SAXO1: variants seen among roughly 807,000 people sequenced by gnomAD.
SAXO1 encodes 4930500O09Rik.
Under a neutral mutation model 17.5 loss-of-function variants are expected in SAXO1, and 21 were observed. That is an observed-to-expected ratio of 1.20 (90% CI 0.85 to 1.72). The LOEUF (loss-of-function observed/expected upper bound fraction) is 1.72. SAXO1 is among the 40% of genes most tolerant of loss of function. SAXO1 has a pLI of 0.00. For missense variants in SAXO1, 843 were observed against 596.0 expected, an observed-to-expected ratio of 1.41 and a Z score of -4.32; for synonymous variants, 274 against 216.5, an observed-to-expected ratio of 1.27 and a Z score of -2.33.
intron 1 of SAXO1, among the ~76,000 whole-genome samples, chr9:19,039,340 A>G (rs1195692730): frequency 6.6e-6 from 1 of 152,236 alleles, no homozygotes; most frequent in East Asian, 1.9e-4. Flanking sequence ...GGATGTGATT[A>G]TAACTCTAGG....
chr9:18,970,710 C>T (rs1427971912), intron 1 of SAXO1, among the ~76,000 whole-genome samples: 1 of 152,206 alleles, frequency 6.6e-6, no homozygotes, highest in African/African-American at 2.4e-5. Flanking sequence ...TGCATTTCAT[C>T]TCCTTCAAGA....
chr9:18,944,390 T>C (rs1055866469), intron 2 of SAXO1, among the ~76,000 whole-genome samples: 2 of 152,250 alleles, frequency 1.3e-5, no homozygotes, highest in African/African-American at 2.4e-5. Flanking sequence ...CATAACTGCA[T>C]GTCCCCAATC....
intron 1 of SAXO1, among the ~76,000 whole-genome samples, chr9:19,026,341 AATTG>A (rs1275202716): frequency 6.6e-6 from 1 of 152,214 alleles, no homozygotes; most frequent in East Asian, 1.9e-4. Flanking sequence ...AATAAAATTT[AATTG>A]ATTGACCTAA....
intron 3 of SAXO1, among the ~76,000 whole-genome samples, chr9:18,931,424 G>A (rs970993053): frequency 6.6e-6 from 1 of 152,094 alleles, no homozygotes; most frequent in Non-Finnish European, 1.5e-5. Flanking sequence ...TGGACATTTT[G>A]AGTTGTTTCT....
rs116967104 is a variant in SAXO1 at position 19,032,932 on chromosome 9, G to A, written c.-24C>T. The stretch of plus-strand genomic sequence containing the variant: ...ATAGGGGCGATCCTGAGGCCCTGAC[G>A]TCCCCTCAGAGCATCGCCAGCTGCA... On this transcript the variant is annotated 5_prime_UTR_variant, in exon 1 of 4. The change creates a new upstream start codon in the 5' untranslated region. Coordinates refer to ENST00000380534, the MANE Select transcript of SAXO1 (RefSeq NM_153707.4). 2,843 of 1,603,854 alleles carry A rather than the reference G, an allele frequency of 1.8e-3. 71 individuals are homozygous for A. In the East Asian group the frequency reaches 0.055, roughly 31 times the overall value.
chr9:19,031,865 G>A (rs141191785), intron 1 of SAXO1, among the ~76,000 whole-genome samples: 1 of 152,132 alleles, frequency 6.6e-6, no homozygotes, highest in South Asian at 2.1e-4. Flanking sequence ...GATATAGAAG[G>A]TTGCTGATCC....
At chr9:18,996,801 A>G (rs1044520830) in intron 1 of SAXO1, among the ~76,000 whole-genome samples, 4 of 152,196 alleles carry the variant, frequency 2.6e-5, no homozygotes, top group Admixed American at 6.5e-5. Context: ...CCCCACATAT[A>G]TAACTTCTAT....
chr9:18,997,619 C>T (rs1834061944), intron 1 of SAXO1, among the ~76,000 whole-genome samples: 1 of 152,240 alleles, frequency 6.6e-6, no homozygotes, highest in Admixed American at 6.5e-5. Context: ...GTGGTTCTCC[C>T]AGCATGGCAT....
At position 18,927,719 on chromosome 9, in the gene SAXO1, T is replaced by C. The variant is rs1337031177; in HGVS notation, c.*333A>G. 3 of 222,618 alleles carry C rather than the reference T, an allele frequency of 1.3e-5. No individual in the cohort carries two copies. Among genetic ancestry groups the C allele is most frequent in the East Asian group, 1.9e-4 (2 of 10,452 alleles). 13.8% of individuals were successfully genotyped at this position (222,618 alleles called of 1,614,324 possible). A position where few individuals can be genotyped will look rare whatever the true frequency, so the allele number is the denominator to read the frequency against. On this transcript the variant is annotated 3_prime_UTR_variant, in exon 4 of 4. Coordinates refer to ENST00000380534, the MANE Select transcript of SAXO1 (RefSeq NM_153707.4). ...CATACTTGGCAAGGGTTAATCATTA[T>C]GTCAGTTCATACAATGATTAAATTA...
intron 1 of SAXO1, chr9:19,027,243 C>A: frequency 1.8e-6 from 2 of 1,092,118 alleles, no homozygotes; most frequent in South Asian, 2.5e-5. Flanking sequence ...GACATACTTC[C>A]TACCTGTGAT....
chr9:19,023,163 C>A (rs1344819286), intron 1 of SAXO1, among the ~76,000 whole-genome samples: 1 of 138,868 alleles, frequency 7.2e-6, no homozygotes, highest in East Asian at 2.5e-4. Flanking sequence ...CCCCGCCCCA[C>A]CGGAGTTAAT....
rs181024296 is a variant in SAXO1 at position 18,993,302 on chromosome 9, G to C, written c.38+39569C>G. On this transcript the variant is annotated intron_variant, in intron 1 of 3. Transcript: ENST00000380534. ...CACCCCCAGATAGGCCCCGATGTGT[G>C]TTGTTACCCTCCCTGTGTCCATGTG... 5.8e-3 allele frequency among the ~76,000 whole-genome samples: 861 copies of C among 147,794 alleles called. 9 individuals carry two copies. Among genetic ancestry groups the C allele is most frequent in the Admixed American group, 0.012 (182 of 14,576 alleles).
intron 3 of SAXO1, among the ~76,000 whole-genome samples, chr9:18,933,976 G>T (rs1284493519): frequency 6.6e-6 from 1 of 152,162 alleles, no homozygotes; most frequent in African/African-American, 2.4e-5. Flanking sequence ...AACCCGGGAG[G>T]CGGAGCTTGC....
At chr9:19,028,022 C>T (rs1588559302) in intron 1 of SAXO1, 12 of 1,606,344 alleles carry the variant, frequency 7.5e-6, no homozygotes, top group Middle Eastern at 2.2e-4. Flanking sequence ...TCTGTGGAGG[C>T]GGGTATGATC....
intron 3 of SAXO1, among the ~76,000 whole-genome samples, chr9:18,938,021 A>G (rs1381406026): frequency 1.3e-5 from 2 of 152,206 alleles, no homozygotes; most frequent in South Asian, 2.1e-4. Context: ...TTGCAGAGGA[A>G]AACTATGAAC....
At chr9:18,988,635 G>A (rs1473900488) in intron 1 of SAXO1, among the ~76,000 whole-genome samples, 2 of 152,146 alleles carry the variant, frequency 1.3e-5, no homozygotes, top group African/African-American at 4.8e-5. Context: ...GGGCCCTTTG[G>A]ATAATCAATG....
At chr9:18,964,341 G>A (rs1422665499) in intron 1 of SAXO1, among the ~76,000 whole-genome samples, 4 of 152,164 alleles carry the variant, frequency 2.6e-5, no homozygotes, top group Non-Finnish European at 5.9e-5. Context: ...GTTTCAGAAG[G>A]AATGGTACCA....
At position 19,032,991 on chromosome 9, in the gene SAXO1, G is replaced by T. The variant is rs116731450; in HGVS notation, c.-83C>A. ...CTAGACCCCAACCACCTGTCTTGGG[G>T]CACGCCCAGGCTCGAGGGTCTTGGC... On this transcript the variant is annotated 5_prime_UTR_variant, in exon 1 of 4. Transcript: ENST00000380534. 1,172 of 1,427,302 alleles carry T rather than the reference G, an allele frequency of 8.2e-4. 12 individuals are homozygous for T. The African/African-American group carries it at 0.015, about 18-fold the overall frequency. 88.4% of individuals were successfully genotyped at this position (1,427,302 alleles called of 1,614,324 possible).
chr9:18,975,093 G>A (rs913745474), intron 1 of SAXO1, among the ~76,000 whole-genome samples: 5 of 152,166 alleles, frequency 3.3e-5, no homozygotes, highest in African/African-American at 7.2e-5. Context: ...ATCAGGTGTT[G>A]AAGGATGAGG....
Sources: allele counts gnomAD v4.1 joint callset (sites outside exome capture counted in the v4.1 genomes callset), GRCh38; gene constraint gnomAD v4.1.1; transcripts MANE v1.5; gene names NCBI Gene and HGNC (gene_info 2026-07-23, HGNC 2026-07-21).